The following TMEM131L variants were observed in gnomAD, a reference collection of about 807,000 sequenced individuals.
TMEM131L encodes transmembrane protein 131-like.
TMEM131L carries 54 observed loss-of-function variants against 192.2 expected under a neutral mutation model. The ratio of observed to expected loss-of-function variants is 0.28; its 90% CI spans 0.23 to 0.35. The LOEUF is 0.35. TMEM131L is among the 10% of genes least tolerant of loss of function. The pLI, the probability that TMEM131L is intolerant of heterozygous loss-of-function variation, is 1.00. For synonymous variants in TMEM131L, 701 were observed against 704.9 expected (o/e 0.99, Z 0.09); for missense variants, 1,888 against 1,972.9 (o/e 0.96, Z 0.82).
At chr4:153,517,714 G>A (rs535672749) in intron 3 of TMEM131L, among the ~76,000 whole-genome samples, 1 of 152,262 alleles carries the variant, frequency 6.6e-6, no homozygotes, top group South Asian at 2.1e-4. Flanking sequence ...AAAGACTCTT[G>A]GAAAATGGTT....
At chr4:153,518,789 C>G (rs1288688641) in intron 3 of TMEM131L, among the ~76,000 whole-genome samples, 1 of 152,140 alleles carries the variant, frequency 6.6e-6, no homozygotes, top group African/African-American at 2.4e-5. Context: ...TCGGTGATAT[C>G]GAAACTGACT....
In TMEM131L at chr4:153,512,513, T is replaced by C. The variant is rs912339555; in HGVS notation, c.240-37560T>C. 7.9e-5 allele frequency among the ~76,000 whole-genome samples: 12 copies of C among 152,244 alleles called. No individual in the cohort carries two copies. The South Asian group carries it at 2.5e-3, about 31-fold the overall frequency. On this transcript the variant is annotated intron_variant, in intron 3 of 34. Coordinates refer to ENST00000409959, the MANE Select transcript of TMEM131L (RefSeq NM_001131007.2). ...GAAAAGAATACTTGCCAAACTTTAA[T>C]ATGACATCCAAAATACACTCTTTCT...
intron 14 of TMEM131L, among the ~76,000 whole-genome samples, chr4:153,587,409 A>T (rs985065614): frequency 6.7e-6 from 1 of 149,930 alleles, no homozygotes; most frequent in Non-Finnish European, 1.5e-5. Flanking sequence ...AATTTTTTTT[A>T]CAGTTAGGGT....
intron 7 of TMEM131L, chr4:153,558,832 G>C (rs556864857): frequency 6.6e-6 from 1 of 152,534 alleles, no homozygotes; most frequent in South Asian, 2.1e-4. Flanking sequence ...TTTTAGCCCT[G>C]CCCGGATGGG....
intron 7 of TMEM131L, among the ~76,000 whole-genome samples, chr4:153,578,522 G>GTT (rs34872169): frequency 1.3e-3 from 168 of 127,790 alleles, no homozygotes; most frequent in African/African-American, 4.0e-3. Context: ...TGCCCAGCTA[G>GTT]TTTTTTTTTT....
At chr4:153,542,387 C>G (rs914528597) in intron 3 of TMEM131L, among the ~76,000 whole-genome samples, 1 of 129,916 alleles carries the variant, frequency 7.7e-6, no homozygotes, top group Non-Finnish European at 1.6e-5. Context: ...TTTATGACCT[C>G]AGCAAGGGCC....
At chr4:153,616,953 A>G (rs1206327108) in intron 26 of TMEM131L, among the ~76,000 whole-genome samples, 1 of 152,152 alleles carries the variant, frequency 6.6e-6, no homozygotes, top group Non-Finnish European at 1.5e-5. Context: ...TGTTCCTCTT[A>G]CCTGTGTACC....
At chr4:153,490,909 A>C (rs1326166132) in intron 3 of TMEM131L, among the ~76,000 whole-genome samples, 1 of 145,876 alleles carries the variant, frequency 6.9e-6, no homozygotes, top group African/African-American at 2.5e-5. Flanking sequence ...AGCCGAGATC[A>C]CGCCACTGCA....
intron 3 of TMEM131L, among the ~76,000 whole-genome samples, chr4:153,485,765 G>A (rs1238748388): frequency 6.6e-6 from 1 of 152,116 alleles, no homozygotes; most frequent in African/African-American, 2.4e-5. Context: ...CTTCAAATCA[G>A]GTCATGTTAA....
chr4:153,598,712 C>G lies in TMEM131L; in HGVS notation c.2246C>G (p.Thr749Arg), dbSNP rs199555805. 3.7e-6 allele frequency: 6 copies of G among 1,613,506 alleles called. No individual in the cohort carries two copies. The South Asian group carries it at 4.4e-5, about 12-fold the overall frequency. The stretch of plus-strand genomic sequence containing the variant: ...CTCCGATTTAAGGTGCCCGAGTCCA[C>G]GCTGATGGACTGCCGTAGACGTGAG... ...GSLRFKVPES[T>R]LMDCRRQLKD... is the part of the protein sequence containing the mutation. Residue 749 changes from threonine (T) to arginine (R), a missense_variant, in exon 21 of 35, where the codon ACG (threonine) becomes AGG (arginine). Physicochemically the swap from Thr to Arg is moderately conservative, Grantham distance 71. Transcript: ENST00000409959.
Position 153,635,481 on chromosome 4 carries a change from A to G in TMEM131L, c.4467A>G (p.Thr1489=). 1 of 1,614,068 alleles carries G rather than the reference A, an allele frequency of 6.2e-7. No homozygotes were observed. Among genetic ancestry groups the G allele is most frequent in the South Asian group, 1.1e-5 (1 of 91,084 alleles). Residue 1489 remains threonine (T), a synonymous_variant, in exon 34 of 35, where the codon ACA becomes ACG. Coordinates refer to ENST00000409959, the MANE Select transcript of TMEM131L (RefSeq NM_001131007.2). ...NGFPCPADVQ[T]DFIDHNSQST... ...TCCCCTGTCCTGCAGATGTTCAGAC[A>G]GACTTTATTGATCACAACTCTCAGT...
Position 153,602,234 on chromosome 4 carries a change from G to A in TMEM131L, c.2349G>A (p.Ser783=), listed in dbSNP as rs755490549. ...TTGGACCTCTTCCTATAACTGTTTC[G>A]TCTCTGAAAATTAATGGGTATAACT... ...ENIGPLPITV[S]SLKINGYNCQ... is the part of the protein sequence containing the mutation. The change falls in exon 22 of 35, where the codon TCG becomes TCA. Residue 783 remains serine (S), a synonymous_variant. Transcript: ENST00000409959. 6.8e-6 allele frequency: 11 copies of A among 1,612,974 alleles called. No individual in the cohort carries two copies. Among genetic ancestry groups the A allele is most frequent in the African/African-American group, 2.7e-5 (2 of 74,820 alleles).
chr4:153,589,676 T>C (rs753811142), intron 16 of TMEM131L, among the ~76,000 whole-genome samples: 8 of 152,270 alleles, frequency 5.3e-5, no homozygotes, highest in Non-Finnish European at 1.0e-4. Context: ...CAGTATTTTA[T>C]TGACATTACA....
At chr4:153,556,398 A>G (rs964912854) in intron 5 of TMEM131L, among the ~76,000 whole-genome samples, 2 of 152,196 alleles carry the variant, frequency 1.3e-5, no homozygotes, top group Admixed American at 6.5e-5. Flanking sequence ...ACAGAGCTCA[A>G]ACTTAGTCTT....
chr4:153,543,617 T>A (rs1736959019), intron 3 of TMEM131L, among the ~76,000 whole-genome samples: 1 of 152,220 alleles, frequency 6.6e-6, no homozygotes, highest in African/African-American at 2.4e-5. Flanking sequence ...TTTTTATATC[T>A]GTGCAGGGAT....
chr4:153,588,446 C>T (rs933899215), intron 15 of TMEM131L, among the ~76,000 whole-genome samples: 1 of 148,112 alleles, frequency 6.8e-6, no homozygotes, highest in African/African-American at 2.5e-5. Context: ...CAGTTATAAA[C>T]ATGCATCTTC....
intron 3 of TMEM131L, among the ~76,000 whole-genome samples, chr4:153,480,535 A>AG (rs1386245136): frequency 2.6e-5 from 4 of 151,068 alleles, no homozygotes; most frequent in African/African-American, 9.8e-5. Flanking sequence ...AAAAAAAAAA[A>AG]AAAAGGAAAT....
intron 31 of TMEM131L, among the ~76,000 whole-genome samples, chr4:153,630,445 C>T (rs1375411924): frequency 6.6e-6 from 1 of 152,096 alleles, no homozygotes; most frequent in East Asian, 1.9e-4. Context: ...GTGTTGATCT[C>T]TCCACTTGGC....
At chr4:153,499,635 C>G (rs368474630) in intron 3 of TMEM131L, among the ~76,000 whole-genome samples, 2 of 152,090 alleles carry the variant, frequency 1.3e-5, no homozygotes, top group African/African-American at 4.8e-5. Context: ...CCATGTTGGC[C>G]AGGATGGTCT....
Sources: gnomAD v4.1 joint callset for allele counts (sites outside exome capture counted in the v4.1 genomes callset) on GRCh38, gnomAD v4.1.1 for gene constraint, MANE v1.5 for transcripts, NCBI Gene and HGNC (gene_info 2026-07-23, HGNC 2026-07-21) for gene names.